TLR6: variants seen among roughly 807,000 people sequenced by gnomAD.
TLR6 encodes the protein toll-like receptor 6.
Under a neutral mutation model 16.1 loss-of-function variants are expected in TLR6, and 9 were observed. That is an observed-to-expected ratio of 0.56 (90% CI 0.34 to 0.98). The LOEUF (loss-of-function observed/expected upper bound fraction) is 0.98, where lower values mean the gene tolerates loss of function less well. Ranked by LOEUF, TLR6 falls within the 50% of genes least tolerant of loss-of-function variation. The pLI is 0.02. For missense variants in TLR6, 786 were observed against 921.0 expected (o/e 0.85, Z 1.90); for synonymous variants, 340 against 338.6 (o/e 1.00, Z -0.04).
chr4:38,868,032 G>T, the TLR6 span: 2 of 425,764 alleles, frequency 4.7e-6, no homozygotes, highest in South Asian at 1.7e-5. Flanking sequence ...GCGCGGCCGA[G>T]GGACCTGCGT....
In TLR6 at chr4:38,827,136, C is replaced by T. The variant is rs149433021; in HGVS notation, c.2338G>A (p.Ala780Thr). 252 of 1,607,532 alleles carry T rather than the reference C, an allele frequency of 1.6e-4. No individual in the cohort carries two copies. In the African/African-American group the frequency reaches 2.0e-3, roughly 13 times the overall value. Residue 780 changes from alanine to threonine, a missense_variant, in exon 2 of 2, where the codon GCT becomes ACT. Physicochemically the swap from Ala to Thr is moderately conservative, Grantham distance 58. Transcript: ENST00000436693. ...ACTAGTGTTAATTTCATATTAAAAGCGGCTCTAATGTTAGCCCAAAAGAGC... is the reference window on the plus strand; with the variant it reads ...ACTAGTGTTAATTTCATATTAAAAGTGGCTCTAATGTTAGCCCAAAAGAGC...
At position 38,836,930 on chromosome 4, in the gene TLR6, A is replaced by T. The variant is rs998760655; in HGVS notation, c.-64-7393T>A. Among the ~76,000 whole-genome samples the T allele has an allele frequency of 3.4e-5, 5 of 148,246 alleles. No individual in the cohort carries two copies. In the Admixed American group the frequency reaches 3.4e-4, roughly 10 times the overall value. ...ACTCCAGACTGGGTGACAGAGTGAG[A>T]CTCAGTCTCAAAAAAAAAAAAAAAG... On this transcript the variant is annotated intron_variant, in intron 1 of 1. Coordinates refer to ENST00000436693, the Ensembl canonical transcript of TLR6.
intron 1 of TLR6, 133 bp downstream of exon 1, chr4:38,856,628 A>C (rs1713002425): frequency 6.6e-6 from 1 of 152,224 alleles, no homozygotes; most frequent in African/African-American, 2.4e-5. Flanking sequence ...TACAAAAAAA[A>C]CCACTTCAAA....
At chr4:38,840,964 A>C (rs2109446410) in intron 1 of TLR6, among the ~76,000 whole-genome samples, 1 of 152,232 alleles carries the variant, frequency 6.6e-6, no homozygotes, top group African/African-American at 2.4e-5. Context: ...TAATGGTGAA[A>C]GTTGGCCAGC....
exon 2 of TLR6, chr4:38,827,745 T>G: frequency 6.2e-7 from 1 of 1,614,256 alleles, no homozygotes; most frequent in Non-Finnish European, 8.5e-7. Context: ...AATTCAGACA[T>G]GTGAAAGTCC....
At chr4:38,862,497 T>C in the TLR6 span, among the ~76,000 whole-genome samples, 1 of 152,162 alleles carries the variant, frequency 6.6e-6, no homozygotes, top group Admixed American at 6.5e-5. Context: ...GCCAGGCTGG[T>C]TTTGAATTCC....
chr4:38,849,346 G>A (rs1273444342), intron 1 of TLR6, among the ~76,000 whole-genome samples: 2 of 152,194 alleles, frequency 1.3e-5, no homozygotes, highest in African/African-American at 4.8e-5. Context: ...AAAGACCATT[G>A]ATGCTAGGAA....
the TLR6 span, chr4:38,867,611 G>T: frequency 6.6e-6 from 1 of 152,036 alleles, no homozygotes; most frequent in African/African-American, 2.4e-5. Flanking sequence ...GCTGGCACAG[G>T]GGTGGGACAA....
At chr4:38,847,371 G>C (rs1712573471) in intron 1 of TLR6, among the ~76,000 whole-genome samples, 1 of 152,110 alleles carries the variant, frequency 6.6e-6, no homozygotes, top group Admixed American at 6.5e-5. Context: ...TGCAGAAGAT[G>C]GGTGATTTCT....
At chr4:38,852,833 G>C (rs74495110) in intron 1 of TLR6, among the ~76,000 whole-genome samples, 45 of 152,046 alleles carry the variant, frequency 3.0e-4, no homozygotes, top group Non-Finnish European at 4.9e-4. Flanking sequence ...TGATTCCTCA[G>C]GGATCTAGAA....
chr4:38,839,309 T>TAAA (rs148750205), intron 1 of TLR6, among the ~76,000 whole-genome samples: 7 of 119,316 alleles, frequency 5.9e-5, no homozygotes, highest in Admixed American at 3.8e-4. Flanking sequence ...TGATTTTTTT[T>TAAA]TAAAAAAAAT....
At chr4:38,855,473 T>C (rs1712946075) in intron 1 of TLR6, among the ~76,000 whole-genome samples, 1 of 152,222 alleles carries the variant, frequency 6.6e-6, no homozygotes, top group Non-Finnish European at 1.5e-5. Flanking sequence ...GAGTTGTCTT[T>C]ATAGCTGTGT....
chr4:38,829,432 A>C, exon 2 of TLR6: 6 of 1,613,688 alleles, frequency 3.7e-6, no homozygotes, highest in Non-Finnish European at 5.1e-6. Flanking sequence ...TAAGGCAAAC[A>C]AAATGGAAGC....
At chr4:38,858,847 GAA>G (rs1439549381), upstream of TLR6, among the ~76,000 whole-genome samples, 3 of 102,204 alleles carry the variant, frequency 2.9e-5, no homozygotes, top group South Asian at 6.9e-4. Context: ...AAGAAAGAAA[GAA>G]AGAAAGAAAG....
chr4:38,864,848 C>A, the TLR6 span, among the ~76,000 whole-genome samples: 1 of 151,918 alleles, frequency 6.6e-6, no homozygotes, highest in Non-Finnish European at 1.5e-5. Flanking sequence ...CACGACTCTA[C>A]AAAAAAATTT....
exon 2 of TLR6, chr4:38,829,489 A>G: frequency 6.5e-7 from 1 of 1,530,204 alleles, no homozygotes; most frequent in Non-Finnish European, 9.0e-7. Flanking sequence ...TGCAGTGGCT[A>G]TCCTAAAGGG....
At chr4:38,854,783 A>T (rs969660669) in intron 1 of TLR6, among the ~76,000 whole-genome samples, 1 of 152,212 alleles carries the variant, frequency 6.6e-6, no homozygotes, top group Non-Finnish European at 1.5e-5. Context: ...CTATAAGGAT[A>T]CTCATGACAT....
At chr4:38,845,139 T>A (rs1712465572) in intron 1 of TLR6, among the ~76,000 whole-genome samples, 1 of 152,192 alleles carries the variant, frequency 6.6e-6, no homozygotes, top group African/African-American at 2.4e-5. Context: ...ATTCCTGAAA[T>A]GACCAAATAT....
the TLR6 span, among the ~76,000 whole-genome samples, chr4:38,864,848 C>T: frequency 3.9e-5 from 6 of 152,036 alleles, no homozygotes; most frequent in South Asian, 6.2e-4. Context: ...CACGACTCTA[C>T]AAAAAAATTT....
Sources: allele counts gnomAD v4.1 joint callset (sites outside exome capture counted in the v4.1 genomes callset), GRCh38; gene constraint gnomAD v4.1.1; transcripts MANE v1.5; gene names NCBI Gene and HGNC (gene_info 2026-07-23, HGNC 2026-07-21).